The following BIRC6 variants were observed in gnomAD, a reference collection of about 807,000 sequenced individuals.
The protein encoded by BIRC6 is baculoviral IAP repeat containing 6.
Under a neutral mutation model 503.3 loss-of-function variants are expected in BIRC6, and 98 were observed. The observed-to-expected ratio is 0.19, with a 90% confidence interval of 0.17 to 0.23. The LOEUF (loss-of-function observed/expected upper bound fraction) is 0.23. Ranked by LOEUF, BIRC6 falls within the 10% of genes least tolerant of loss-of-function variation. The pLI, the probability that BIRC6 is intolerant of heterozygous loss-of-function variation, is 1.00. For synonymous variants in BIRC6, 2,240 were observed against 2,078.7 expected (o/e 1.08, Z -2.11); for missense variants, 5,360 against 5,806.0 (o/e 0.92, Z 2.50).
intron 64 of BIRC6, among the ~76,000 whole-genome samples, chr2:32,548,365 CTTTTT>C (rs1202755440): frequency 1.4e-5 from 1 of 73,364 alleles, no homozygotes; most frequent in East Asian, 3.9e-4. Flanking sequence ...TGGTTGCTTA[CTTTTT>C]TTTTTTTTTT....
chr2:32,423,661 G>C (rs1471718670), intron 10 of BIRC6, among the ~76,000 whole-genome samples: 1 of 152,054 alleles, frequency 6.6e-6, no homozygotes, highest in Non-Finnish European at 1.5e-5. Flanking sequence ...TTCCATTACA[G>C]TAGGGCCCAT....
chr2:32,498,805 C>CA (rs1230356251), intron 45 of BIRC6, among the ~76,000 whole-genome samples: 2 of 152,150 alleles, frequency 1.3e-5, no homozygotes, highest in African/African-American at 4.8e-5. Flanking sequence ...AGGTTGGTCT[C>CA]AAACTCAAAA....
At position 32,433,561 on chromosome 2, in the gene BIRC6, A is replaced by G. The variant is rs566901298; in HGVS notation, c.3249-83A>G. ...TGTTGGAAGCTGCAAAGCAAAAAGT[A>G]GGAAAGGTGACCTTAATGATAATAT... On this transcript the variant is annotated intron_variant, in intron 12 of 73. Coordinates refer to ENST00000421745, the MANE Select transcript of BIRC6 (RefSeq NM_016252.4). 1,115 of 1,244,808 alleles carry G rather than the reference A, an allele frequency of 9.0e-4. 1 individual carries two copies. The highest frequency in any genetic ancestry group is 1.1e-3 in the Non-Finnish European group (1,043 of 929,040). The allele number at this position is 1,244,808 out of a possible 1,614,324, so 77.1% of individuals were successfully genotyped here.
At chr2:32,583,566 CTT>C (rs1332729925) in intron 66 of BIRC6, among the ~76,000 whole-genome samples, 4 of 152,146 alleles carry the variant, frequency 2.6e-5, no homozygotes, top group Non-Finnish European at 4.4e-5. Flanking sequence ...ACATTCAACA[CTT>C]TGCATTTTTT....
At chr2:32,401,761 A>G (rs1057404409) in intron 8 of BIRC6, 138 bp downstream of exon 8, 1 of 698,726 alleles carries the variant, frequency 1.4e-6, no homozygotes, top group Admixed American at 3.4e-5. Context: ...GTTTGGTTAG[A>G]AATCTGAAAT....
rs1352256101 is a variant in BIRC6 at position 32,477,459 on chromosome 2, A to T, written c.6944A>T (p.Glu2315Val). Residue 2315 changes from glutamate (E) to valine (V), a missense_variant, in exon 35 of 74, where the codon GAG becomes GTG. Glu to Val is a moderately radical substitution (Grantham distance 121). This residue lies in a region of BIRC6 where 2,299 missense variants were observed against 2,267.2 expected (regional missense o/e 1.01). Coordinates refer to ENST00000421745, the MANE Select transcript of BIRC6 (RefSeq NM_016252.4). ...GTTACAACAGCAAAAGAAAGTCCTG[A>T]GATAGAACCACTTCCATTTACTCTG... ...TEVTTAKESP[E>V]IEPLPFTLAH... is the part of the protein sequence containing the mutation. 1 of 1,614,014 alleles carries T rather than the reference A, an allele frequency of 6.2e-7. No homozygotes were observed. Among genetic ancestry groups the T allele is most frequent in the South Asian group, 1.1e-5 (1 of 91,076 alleles).
In BIRC6 at chr2:32,515,033, T is replaced by C; in HGVS notation, c.10612T>C (p.Leu3538=). The change falls in exon 55 of 74, where the codon TTG becomes CTG. Residue 3538 remains leucine, a synonymous_variant. Coordinates refer to ENST00000421745, the MANE Select transcript of BIRC6 (RefSeq NM_016252.4). ...WSMSLPCNMV[L]KKAVDSLLCS... ...CATGTCTCTTCCCTGCAATATGGTT[T>C]TGAAGAAAGCTGTTGACAGTCTACT... The C allele has an allele frequency of 6.2e-7, 1 of 1,613,966 alleles. No homozygotes were observed. The highest frequency in any genetic ancestry group is 8.5e-7 in the Non-Finnish European group (1 of 1,179,866).
At position 32,414,867 on chromosome 2, in the gene BIRC6, A is replaced by T. The variant is rs1318079669; in HGVS notation, c.1576A>T (p.Asn526Tyr). The change falls in exon 10 of 74, where the codon AAT becomes TAT. Residue 526 changes from asparagine to tyrosine, a missense_variant. Physicochemically the swap from Asn to Tyr is moderately radical, Grantham distance 143. This residue lies in a region of BIRC6 where 700 missense variants were observed against 739.3 expected (regional missense o/e 0.95). Transcript: ENST00000421745. ...PEKLQWEIVANVLEDTVKDLE... is the reference protein window; with the variant it reads ...PEKLQWEIVAYVLEDTVKDLE... ...AAAACTTCAGTGGGAGATTGTTGCAAATGTGCTTGAAGATACTGTTAAGGA... is the reference window on the plus strand; with the variant it reads ...AAAACTTCAGTGGGAGATTGTTGCATATGTGCTTGAAGATACTGTTAAGGA... 6.2e-7 allele frequency: 1 copy of T among 1,613,858 alleles called. No homozygotes were observed. Among genetic ancestry groups the T allele is most frequent in the Admixed American group, 1.7e-5 (1 of 60,004 alleles).
chr2:32,596,582 ATCAC>A (rs1201193149), intron 68 of BIRC6, among the ~76,000 whole-genome samples: 1 of 152,146 alleles, frequency 6.6e-6, no homozygotes, highest in African/African-American at 2.4e-5. Context: ...AGTGTACAGC[ATCAC>A]TCACTAAGTC....
intron 12 of BIRC6, 106 bp from the exon 13 acceptor site, chr2:32,433,538 T>C: frequency 1.0e-6 from 1 of 973,798 alleles, no homozygotes; most frequent in South Asian, 2.7e-5. Context: ...CTAGATTTTG[T>C]TGGAAGCTGC....
chr2:32,505,254 G>C (rs1308294076), intron 50 of BIRC6, 49 bp downstream of exon 50: 1 of 1,419,882 alleles, frequency 7.0e-7, no homozygotes, highest in Non-Finnish European at 9.7e-7. Context: ...CTTTAATTTA[G>C]AAATATTTGA....
intron 11 of BIRC6, among the ~76,000 whole-genome samples, chr2:32,430,469 C>G (rs575613332): frequency 1.5e-4 from 23 of 152,208 alleles, no homozygotes; most frequent in Admixed American, 9.8e-4. Context: ...TGATGTCTAG[C>G]ATTTTATTTT....
chr2:32,364,343 G>A (rs994044240), intron 1 of BIRC6, among the ~76,000 whole-genome samples: 3 of 152,102 alleles, frequency 2.0e-5, no homozygotes, highest in Admixed American at 1.3e-4. Context: ...GGGTTCAAGC[G>A]ATTCTCCTGC....
At chr2:32,561,145 C>T (rs927528361) in intron 65 of BIRC6, among the ~76,000 whole-genome samples, 2 of 151,424 alleles carry the variant, frequency 1.3e-5, no homozygotes, top group Non-Finnish European at 2.9e-5. Context: ...TTGCAGTGAG[C>T]CGAGACCATG....
rs940864189 is a variant in BIRC6 at position 32,357,301 on chromosome 2, C to A, written c.140C>A (p.Ala47Glu). ...CCCGGCTGCTCCTCGGCGGCGGGGG[C>A]GGGGGCGGCCGGGGTCTCAGAGTGG... The part of the protein sequence containing the change: ...SGPGCSSAAG[A>E]GAAGVSEWLV... Residue 47 changes from alanine (A) to glutamate (E), a missense_variant, in exon 1 of 74, where the codon GCG becomes GAG. Coordinates refer to ENST00000421745, the MANE Select transcript of BIRC6 (RefSeq NM_016252.4). The surrounding 1 kb of genome is among the most constrained non-coding windows in gnomAD (Gnocchi z 4.9). 5.2e-6 allele frequency: 8 copies of A among 1,525,580 alleles called. No individual in the cohort carries two copies. The highest frequency in any genetic ancestry group is 7.0e-6 in the Non-Finnish European group (8 of 1,139,718). 94.5% of individuals were successfully genotyped at this position (1,525,580 alleles called of 1,614,324 possible).
intron 66 of BIRC6, among the ~76,000 whole-genome samples, chr2:32,590,127 C>G (rs764106982): frequency 2.0e-5 from 3 of 152,138 alleles, no homozygotes; most frequent in African/African-American, 7.2e-5. Context: ...TTTTGTGCAT[C>G]CTGGAGATAC....
At chr2:32,537,742 G>A (rs969639900) in intron 61 of BIRC6, among the ~76,000 whole-genome samples, 2 of 152,088 alleles carry the variant, frequency 1.3e-5, no homozygotes, top group African/African-American at 2.4e-5. Context: ...CGAGGCGGGC[G>A]GATCACGAGG....
At chr2:32,568,886 T>A (rs2150903559) in intron 65 of BIRC6, among the ~76,000 whole-genome samples, 1 of 151,588 alleles carries the variant, frequency 6.6e-6, no homozygotes, top group South Asian at 2.1e-4. Context: ...TAGTGTGAAG[T>A]CTGGGGTTTT....
At chr2:32,581,730 G>A (rs1332868044) in intron 66 of BIRC6, among the ~76,000 whole-genome samples, 1 of 152,170 alleles carries the variant, frequency 6.6e-6, no homozygotes, top group Non-Finnish European at 1.5e-5. Context: ...TAATCATTCA[G>A]ATTTTGTTTG....
Sources: allele counts gnomAD v4.1 joint callset (sites outside exome capture counted in the v4.1 genomes callset), GRCh38; gene constraint gnomAD v4.1.1; regional missense constraint gnomAD v4.1.1; non-coding constraint Gnocchi (gnomAD v3.1); transcripts MANE v1.5; gene names NCBI Gene and HGNC (gene_info 2026-07-23, HGNC 2026-07-21).